Variants in RBFOX1 observed in about 807,000 individuals in gnomAD.
RBFOX1 encodes RNA binding protein fox-1 homolog 1.
Under a neutral mutation model 57.7 loss-of-function variants are expected in RBFOX1, and 8 were observed. The observed-to-expected ratio is 0.14, with a 90% CI of 0.08 to 0.25. The LOEUF is 0.25. Ranked by LOEUF, RBFOX1 falls within the 10% of genes least tolerant of loss-of-function variation. The probability of loss-of-function intolerance (pLI) is 1.00; values close to 1 mark genes in which losing one functional copy is unlikely to be tolerated. For missense variants in RBFOX1, 611 were observed against 548.5 expected (o/e 1.11, Z -1.14); for synonymous variants, 326 against 222.4 (o/e 1.47, Z -4.15).
chr16:6,077,188 A>G (rs2095915682), intron 1 of RBFOX1, among the ~76,000 whole-genome samples: 1 of 152,182 alleles, frequency 6.6e-6, no homozygotes, highest in African/African-American at 2.4e-5. Flanking sequence ...CTCTTGCAAC[A>G]TATTGCATTT....
chr16:7,675,351 C>A (rs1049576808), intron 13 of RBFOX1, among the ~76,000 whole-genome samples: 1 of 151,600 alleles, frequency 6.6e-6, no homozygotes. Flanking sequence ...CACCAGGTGG[C>A]ATCTGGCTAA....
intron 4 of RBFOX1, among the ~76,000 whole-genome samples, chr16:5,967,636 C>A (rs1407010037): frequency 6.6e-6 from 1 of 152,160 alleles, no homozygotes; most frequent in Non-Finnish European, 1.5e-5. Flanking sequence ...CCATGTTTTA[C>A]ACTTCAGGGA....
intron 1 of RBFOX1, among the ~76,000 whole-genome samples, chr16:6,042,431 T>C (rs1037682385): frequency 1.3e-5 from 2 of 152,186 alleles, no homozygotes. Flanking sequence ...TCTCCGTGAT[T>C]ATACTGGACC....
At chr16:7,196,310 C>G (rs1450189552) in intron 4 of RBFOX1, among the ~76,000 whole-genome samples, 2 of 152,156 alleles carry the variant, frequency 1.3e-5, no homozygotes, top group Admixed American at 6.5e-5. Flanking sequence ...CCCTTTCATC[C>G]TGAAGATGTC....
At chr16:5,812,957 T>C (rs929401830) in intron 3 of RBFOX1, among the ~76,000 whole-genome samples, 7 of 152,212 alleles carry the variant, frequency 4.6e-5, no homozygotes, top group Admixed American at 1.3e-4. Flanking sequence ...GATTTTCTTA[T>C]TGTTTTTATT....
chr16:5,338,843 G>A (rs1180365345), intron 1 of RBFOX1, among the ~76,000 whole-genome samples: 1 of 152,018 alleles, frequency 6.6e-6, no homozygotes, highest in Admixed American at 6.5e-5. Flanking sequence ...ATAGGTTGGG[G>A]TCTTACTATG....
intron 4 of RBFOX1, among the ~76,000 whole-genome samples, chr16:7,097,437 A>G (rs898306811): frequency 2.0e-5 from 3 of 152,218 alleles, no homozygotes; most frequent in Admixed American, 6.5e-5. Context: ...CTGGCATTAA[A>G]GCAGGGAAAG....
intron 1 of RBFOX1, among the ~76,000 whole-genome samples, chr16:5,374,161 C>T (rs2065929207): frequency 6.6e-6 from 1 of 152,264 alleles, no homozygotes; most frequent in Non-Finnish European, 1.5e-5. Flanking sequence ...TAGTCTTGAA[C>T]TCCTGAGCTC....
intron 3 of RBFOX1, among the ~76,000 whole-genome samples, chr16:6,673,024 CAG>C (rs368215816): frequency 6.6e-6 from 1 of 152,270 alleles, no homozygotes; most frequent in African/African-American, 2.4e-5. Flanking sequence ...GGAACCACAA[CAG>C]GGGAAAGACA....
chr16:6,750,817 A>T (rs1247327122), intron 3 of RBFOX1, among the ~76,000 whole-genome samples: 2 of 152,222 alleles, frequency 1.3e-5, no homozygotes, highest in Non-Finnish European at 2.9e-5. Context: ...AGTTAATAAC[A>T]ATAAACGCCA....
intron 4 of RBFOX1, among the ~76,000 whole-genome samples, chr16:7,271,917 G>A (rs1248169064): frequency 6.6e-6 from 1 of 152,130 alleles, no homozygotes; most frequent in East Asian, 1.9e-4. Context: ...GAGTGCCCCA[G>A]TCCTGCTGGA....
At chr16:6,585,105 C>G (rs1861214) in intron 2 of RBFOX1, among the ~76,000 whole-genome samples, 1 of 152,040 alleles carries the variant, frequency 6.6e-6, no homozygotes, top group African/African-American at 2.4e-5. Context: ...TCATAATACA[C>G]AATGGTTAGC....
chr16:5,610,942 A>G (rs1338054891), intron 3 of RBFOX1, among the ~76,000 whole-genome samples: 1 of 152,172 alleles, frequency 6.6e-6, no homozygotes, highest in African/African-American at 2.4e-5. Context: ...TTAACACTCA[A>G]GTTGTGGGCT....
intron 1 of RBFOX1, among the ~76,000 whole-genome samples, chr16:5,365,160 A>T (rs559571746): frequency 9.2e-5 from 14 of 152,040 alleles, no homozygotes; most frequent in Non-Finnish European, 1.9e-4. Flanking sequence ...GGCCCAGAAC[A>T]TCCCTAAGTA....
intron 3 of RBFOX1, among the ~76,000 whole-genome samples, chr16:5,688,606 TG>T (rs2050574551): frequency 2.0e-5 from 3 of 152,166 alleles, no homozygotes; most frequent in Admixed American, 2.0e-4. Flanking sequence ...GGATGGGTGA[TG>T]GCCTGAACTG....
At chr16:5,479,811 G>T (rs2069462219) in intron 2 of RBFOX1, among the ~76,000 whole-genome samples, 1 of 151,874 alleles carries the variant, frequency 6.6e-6, no homozygotes, top group African/African-American at 2.4e-5. Flanking sequence ...TATTCATGGT[G>T]GTCAGACGTG....
At chr16:5,576,958 G>A (rs79395869) in intron 2 of RBFOX1, among the ~76,000 whole-genome samples, 8,057 of 152,312 alleles carry the variant, frequency 0.053, 276 homozygotes, top group East Asian at 0.1. Context: ...GAGTTAAGCC[G>A]TCAATATCCT....
At chr16:7,241,882 TTA>T (rs560832571) in intron 4 of RBFOX1, among the ~76,000 whole-genome samples, 56 of 152,216 alleles carry the variant, frequency 3.7e-4, no homozygotes, top group African/African-American at 1.3e-3. Flanking sequence ...ATAAATATAC[TTA>T]TATGTGATTT....
intron 1 of RBFOX1, among the ~76,000 whole-genome samples, chr16:5,326,779 T>C (rs773612170): frequency 3.3e-5 from 5 of 152,228 alleles, no homozygotes; most frequent in Non-Finnish European, 5.9e-5. Context: ...GGAGGGAACA[T>C]ATCAGAAAGC....
Sources: allele counts gnomAD v4.1 joint callset (sites outside exome capture counted in the v4.1 genomes callset), GRCh38; gene constraint gnomAD v4.1.1; transcripts MANE v1.5; gene names NCBI Gene and HGNC (gene_info 2026-07-23, HGNC 2026-07-21).